PIWIL1: variants seen among roughly 807,000 people sequenced by gnomAD.
PIWIL1 encodes the protein piwi like RNA-mediated gene silencing 1.
A neutral mutation model predicts 114.4 loss-of-function variants in PIWIL1; 73 were observed. That is an observed-to-expected ratio of 0.64 (90% confidence interval 0.53 to 0.78). PIWIL1 has a LOEUF of 0.78. Ranked by LOEUF, PIWIL1 falls within the 30% of genes least tolerant of loss-of-function variation. The pLI, the probability that PIWIL1 is intolerant of heterozygous loss-of-function variation, is 0.00. For synonymous variants in PIWIL1, 375 were observed against 369.0 expected (o/e 1.02, Z -0.19); for missense variants, 723 against 1,063.1 (o/e 0.68, Z 4.45).
At chr12:130,381,882 T>TG in the PIWIL1 span, among the ~76,000 whole-genome samples, 1 of 152,214 alleles carries the variant, frequency 6.6e-6, no homozygotes, top group Admixed American at 6.5e-5. Context: ...CATTTTACTT[T>TG]GCAATGCCCT....
intron 7 of PIWIL1, 64 bp from the exon 8 acceptor site, chr12:130,349,175 C>A: frequency 8.2e-7 from 1 of 1,216,010 alleles, no homozygotes; most frequent in Non-Finnish European, 1.2e-6. Flanking sequence ...GAAAACGCAA[C>A]TTAGTGTGTG....
the PIWIL1 span, among the ~76,000 whole-genome samples, chr12:130,377,921 A>T: frequency 6.6e-6 from 1 of 152,168 alleles, no homozygotes; most frequent in African/African-American, 2.4e-5. Flanking sequence ...TAGTACATGT[A>T]CCTTCTTTCT....
At chr12:130,370,189 T>C (rs779916513) in intron 19 of PIWIL1, among the ~76,000 whole-genome samples, 19 of 152,142 alleles carry the variant, frequency 1.2e-4, no homozygotes, top group Non-Finnish European at 2.4e-4. Context: ...CTTAAATCTT[T>C]ATTGGGTCAA....
intron 19 of PIWIL1, among the ~76,000 whole-genome samples, chr12:130,367,986 C>T (rs889361407): frequency 2.0e-4 from 30 of 152,098 alleles, no homozygotes; most frequent in Admixed American, 1.6e-3. Flanking sequence ...TTAGTAGAGA[C>T]GAGGTTTCAC....
At chr12:130,408,268 C>T in the PIWIL1 span, among the ~76,000 whole-genome samples, 3 of 152,178 alleles carry the variant, frequency 2.0e-5, no homozygotes, top group Admixed American at 6.5e-5. Context: ...ACTATGGTGG[C>T]GCTACAAAAT....
chr12:130,365,534 A>G (rs2073631493), intron 18 of PIWIL1, among the ~76,000 whole-genome samples: 2 of 152,216 alleles, frequency 1.3e-5, no homozygotes, highest in Non-Finnish European at 2.9e-5. Flanking sequence ...TTATCATTAG[A>G]ACCACAATGT....
the PIWIL1 span, chr12:130,399,862 C>T: frequency 1.2e-6 from 2 of 1,602,812 alleles, no homozygotes; most frequent in Non-Finnish European, 8.5e-7. Flanking sequence ...TTCTAGAAAC[C>T]CACATCTTGC....
the PIWIL1 span, among the ~76,000 whole-genome samples, chr12:130,417,102 T>C: frequency 6.6e-6 from 1 of 152,124 alleles, no homozygotes; most frequent in African/African-American, 2.4e-5. Context: ...TTGGGGTGAC[T>C]GCAAAGAAAA....
downstream of PIWIL1, among the ~76,000 whole-genome samples, chr12:130,374,003 C>T (rs951155278): frequency 1.4e-4 from 21 of 152,182 alleles, no homozygotes; most frequent in African/African-American, 3.9e-4. Context: ...CCCAAAGCTT[C>T]GTCTGACCAG....
At chr12:130,384,514 C>G in the PIWIL1 span, among the ~76,000 whole-genome samples, 2 of 152,146 alleles carry the variant, frequency 1.3e-5, no homozygotes, top group African/African-American at 4.8e-5. Flanking sequence ...ATGATGTTCA[C>G]CCATAAAGCA....
At chr12:130,397,117 G>A in the PIWIL1 span, 7 of 296,572 alleles carry the variant, frequency 2.4e-5, no homozygotes, top group African/African-American at 1.3e-4. Context: ...TTAATAAGAC[G>A]TCCCCTCCCA....
At chr12:130,356,370 G>C (rs1206053716) in intron 12 of PIWIL1, among the ~76,000 whole-genome samples, 1 of 150,448 alleles carries the variant, frequency 6.6e-6, no homozygotes, top group African/African-American at 2.5e-5. Context: ...TAATATTCTG[G>C]TTGCATTGTT....
intron 14 of PIWIL1, among the ~76,000 whole-genome samples, chr12:130,359,955 G>T (rs2073464779): frequency 6.6e-6 from 1 of 152,164 alleles, no homozygotes; most frequent in South Asian, 2.1e-4. Context: ...TATATCCTTG[G>T]CTATTTTAAA....
rs1305116201 is a variant in PIWIL1, at chr12:130,337,984, C to T, written c.-175C>T. 3.0e-5 allele frequency: 5 copies of T among 167,590 alleles called. No homozygotes were observed. The allele number at this position is 167,590 out of a possible 1,614,324, so 10.4% of individuals were successfully genotyped here. ...CGCCTGTTGCTCGCTGCCCGCGTGT[C>T]CCTGGCTCTCTCGGGAACCCAGCGC... On this transcript the variant is annotated 5_prime_UTR_variant, in exon 1 of 21. Transcript: ENST00000245255.
At chr12:130,349,136 T>C (rs889776835) in intron 7 of PIWIL1, 103 bp from the exon 8 acceptor site, 138 of 723,106 alleles carry the variant, frequency 1.9e-4, no homozygotes, top group Non-Finnish European at 2.6e-4. Flanking sequence ...ATTCAGAAAC[T>C]TTATAGTTTA....
the PIWIL1 span, chr12:130,399,175 G>A: frequency 1.5e-6 from 2 of 1,351,660 alleles, no homozygotes; most frequent in South Asian, 4.7e-5. Flanking sequence ...TTTCCAAGCA[G>A]ATGAGCAAAG....
the PIWIL1 span, among the ~76,000 whole-genome samples, chr12:130,404,380 C>A: frequency 3.3e-5 from 5 of 152,318 alleles, no homozygotes; most frequent in Non-Finnish European, 7.4e-5. Flanking sequence ...TCACCGCAAC[C>A]TCCACCTCCT....
chr12:130,403,477 C>A, the PIWIL1 span, among the ~76,000 whole-genome samples: 3 of 152,276 alleles, frequency 2.0e-5, no homozygotes, highest in Admixed American at 6.5e-5. Context: ...ATTGTTTCTA[C>A]ATGTGAAAAT....
intron 19 of PIWIL1, among the ~76,000 whole-genome samples, chr12:130,369,229 G>T (rs926367794): frequency 1.3e-5 from 2 of 152,078 alleles, no homozygotes; most frequent in Non-Finnish European, 1.5e-5. Context: ...GCATGATCTT[G>T]TTCCTTTATA....
Sources: allele counts gnomAD v4.1 joint callset (sites outside exome capture counted in the v4.1 genomes callset), GRCh38; gene constraint gnomAD v4.1.1; transcripts MANE v1.5; gene names NCBI Gene and HGNC (gene_info 2026-07-23, HGNC 2026-07-21).